Variants in RGS6 observed in about 807,000 individuals in gnomAD.
RGS6 encodes the protein regulator of G-protein signaling 6.
RGS6 carries 30 observed loss-of-function variants against 78.5 expected under a neutral mutation model. That is an observed-to-expected ratio of 0.38 (90% CI 0.29 to 0.52). RGS6 has a LOEUF of 0.52. Ranked by LOEUF, RGS6 falls within the 20% of genes least tolerant of loss-of-function variation. The pLI, the probability that RGS6 is intolerant of heterozygous loss-of-function variation, is 0.85. For missense variants in RGS6, 495 were observed against 609.7 expected (o/e 0.81, Z 1.98); for synonymous variants, 206 against 206.0 (o/e 1.00, Z 0.00).
At chr14:72,163,584 G>T (rs2096882137) in intron 2 of RGS6, among the ~76,000 whole-genome samples, 2 of 152,224 alleles carry the variant, frequency 1.3e-5, no homozygotes, top group African/African-American at 4.8e-5. Context: ...GGATTTGTCA[G>T]TAAAAAATGG....
At chr14:72,450,337 C>A (rs1446262397) in intron 3 of RGS6, among the ~76,000 whole-genome samples, 1 of 152,094 alleles carries the variant, frequency 6.6e-6, no homozygotes, top group Non-Finnish European at 1.5e-5. Flanking sequence ...ATCTAATAAA[C>A]ATGATTTTAG....
At chr14:72,109,634 A>C (rs1230307583) in intron 2 of RGS6, among the ~76,000 whole-genome samples, 1 of 152,202 alleles carries the variant, frequency 6.6e-6, no homozygotes, top group African/African-American at 2.4e-5. Context: ...TACAGAAATA[A>C]ACATGGTCTG....
chr14:72,499,130 A>G (rs8004385), intron 13 of RGS6, among the ~76,000 whole-genome samples: 3,017 of 152,156 alleles, frequency 0.02, 97 homozygotes, highest in African/African-American at 0.065. Flanking sequence ...GTACTCCCCA[A>G]CAAGTCGACT....
Position 72,509,048 on chromosome 14 carries a change from G to A in RGS6, c.966-1106G>A, listed in dbSNP as rs1323447915. The stretch of plus-strand genomic sequence containing the variant: ...TCTGAATGTGAGACAGCATAGCAAA[G>A]ATGAGCTATGCAGCATGGCAGAATT... On this transcript the variant is annotated intron_variant, in intron 13 of 17. Coordinates refer to ENST00000553525, the MANE Select transcript of RGS6 (RefSeq NM_001204424.2). 2.0e-5 allele frequency among the ~76,000 whole-genome samples: 3 copies of A among 152,170 alleles called. No individual in the cohort carries two copies. The East Asian group carries it at 5.8e-4, about 29-fold the overall frequency.
rs546696879 is a variant in RGS6, at chr14:72,452,273, C to T, written c.185-2255C>T. On this transcript the variant is annotated intron_variant, in intron 3 of 17. Transcript: ENST00000553525. Reference sequence around the variant, plus strand: ...CTCTCTCCAAGAATACGAATGAATACGAGTGTTTTTGATCTAAAGTTTGAC... The same window carrying T: ...CTCTCTCCAAGAATACGAATGAATATGAGTGTTTTTGATCTAAAGTTTGAC... 3.3e-5 allele frequency among the ~76,000 whole-genome samples: 5 copies of T among 150,930 alleles called. No individual in the cohort carries two copies. In the South Asian group the frequency reaches 8.4e-4, roughly 25 times the overall value.
intron 17 of RGS6, among the ~76,000 whole-genome samples, chr14:72,553,907 G>T (rs1371391612): frequency 6.6e-6 from 1 of 152,186 alleles, no homozygotes; most frequent in African/African-American, 2.4e-5. Context: ...TGTCCCATGG[G>T]GACCAAAAGC....
intron 2 of RGS6, among the ~76,000 whole-genome samples, chr14:72,321,609 T>G (rs2072053717): frequency 6.6e-6 from 1 of 151,836 alleles, no homozygotes; most frequent in Admixed American, 6.6e-5. Context: ...ACAAGAAACA[T>G]AAAGACAATT....
intron 2 of RGS6, among the ~76,000 whole-genome samples, chr14:72,108,798 C>T (rs537207796): frequency 2.0e-5 from 3 of 151,836 alleles, no homozygotes; most frequent in African/African-American, 4.8e-5. Context: ...TCATGTCTAG[C>T]GTGTTTTCTT....
At chr14:72,195,840 C>T (rs1038133902) in intron 2 of RGS6, among the ~76,000 whole-genome samples, 1 of 152,230 alleles carries the variant, frequency 6.6e-6, no homozygotes, top group Non-Finnish European at 1.5e-5. Flanking sequence ...TTCATGTGTT[C>T]ACTTAAGAAT....
intron 2 of RGS6, among the ~76,000 whole-genome samples, chr14:72,162,144 C>T (rs976857002): frequency 1.3e-5 from 2 of 151,544 alleles, no homozygotes; most frequent in African/African-American, 4.9e-5. Flanking sequence ...TGACATTGCT[C>T]ATTTACATTA....
At chr14:72,551,368 C>T (rs571581364) in intron 17 of RGS6, among the ~76,000 whole-genome samples, 4 of 152,208 alleles carry the variant, frequency 2.6e-5, no homozygotes, top group East Asian at 3.9e-4. Flanking sequence ...CGTGGCTGAC[C>T]GTCCCATACC....
At chr14:72,069,574 C>T (rs1430764541) in intron 2 of RGS6, among the ~76,000 whole-genome samples, 2 of 152,000 alleles carry the variant, frequency 1.3e-5, no homozygotes, top group Non-Finnish European at 2.9e-5. Context: ...GGGTCACATT[C>T]CATAAGCCAG....
intron 15 of RGS6, among the ~76,000 whole-genome samples, chr14:72,525,928 A>T (rs1373973360): frequency 6.6e-6 from 1 of 152,108 alleles, no homozygotes; most frequent in Admixed American, 6.6e-5. Flanking sequence ...GCAGAGAATA[A>T]ATCAGTCATT....
intron 2 of RGS6, among the ~76,000 whole-genome samples, chr14:72,246,335 A>T (rs1191897942): frequency 1.3e-5 from 2 of 152,236 alleles, no homozygotes; most frequent in Non-Finnish European, 2.9e-5. Flanking sequence ...TAATACAACA[A>T]TTCTAAGGGT....
intron 2 of RGS6, among the ~76,000 whole-genome samples, chr14:72,227,574 T>C (rs1425472297): frequency 1.3e-5 from 2 of 152,240 alleles, no homozygotes; most frequent in African/African-American, 4.8e-5. Flanking sequence ...CTACAAATTG[T>C]TCATAAGCAC....
At chr14:72,302,492 C>T (rs1306278973) in intron 2 of RGS6, among the ~76,000 whole-genome samples, 2 of 152,094 alleles carry the variant, frequency 1.3e-5, no homozygotes, top group East Asian at 1.9e-4. Context: ...TCTTTTTTTC[C>T]TACTCCAGTG....
intron 2 of RGS6, among the ~76,000 whole-genome samples, chr14:72,072,108 C>T (rs1375146667): frequency 1.3e-5 from 2 of 152,220 alleles, no homozygotes; most frequent in Admixed American, 6.5e-5. Context: ...CCATTTAGTT[C>T]TCTCCACCAT....
At chr14:72,095,821 A>G (rs1290517584) in intron 2 of RGS6, among the ~76,000 whole-genome samples, 1 of 152,268 alleles carries the variant, frequency 6.6e-6, no homozygotes, top group African/African-American at 2.4e-5. Context: ...GCCATAATTG[A>G]AATGAAAAGA....
At chr14:72,426,651 C>G (rs2094445203) in intron 3 of RGS6, among the ~76,000 whole-genome samples, 1 of 152,206 alleles carries the variant, frequency 6.6e-6, no homozygotes, top group Non-Finnish European at 1.5e-5. Flanking sequence ...TTCAGTTTGG[C>G]ATAATAAATT....
Sources: allele counts gnomAD v4.1 joint callset (sites outside exome capture counted in the v4.1 genomes callset), GRCh38; gene constraint gnomAD v4.1.1; transcripts MANE v1.5; gene names NCBI Gene and HGNC (gene_info 2026-07-23, HGNC 2026-07-21).